Variants in ZZZ3 observed in about 807,000 individuals in gnomAD.
ZZZ3 encodes the protein ZZ-type zinc finger-containing protein 3.
ZZZ3 carries 22 observed loss-of-function variants against 95.2 expected under a neutral mutation model. The observed-to-expected ratio is 0.23, with a 90% CI of 0.17 to 0.33. The LOEUF (loss-of-function observed/expected upper bound fraction) is 0.33. ZZZ3 is among the 10% of genes least tolerant of loss of function. The probability of loss-of-function intolerance (pLI) is 1.00; values close to 1 mark genes in which losing one functional copy is unlikely to be tolerated. For synonymous variants in ZZZ3, 335 were observed against 358.9 expected (o/e 0.93, Z 0.75); for missense variants, 885 against 1,066.5 (o/e 0.83, Z 2.37).
chr1:77,626,651 A>G (rs1667363009), intron 5 of ZZZ3, among the ~76,000 whole-genome samples: 1 of 152,174 alleles, frequency 6.6e-6, no homozygotes, highest in Admixed American at 6.5e-5. Context: ...CCTGTTTTAG[A>G]AAGCTACCTC....
chr1:77,644,855 C>A (rs1181539874), intron 1 of ZZZ3, among the ~76,000 whole-genome samples: 3 of 152,152 alleles, frequency 2.0e-5, no homozygotes, highest in African/African-American at 4.8e-5. Context: ...CAATTAAGCA[C>A]TTCAGGTCAT....
chr1:77,664,552 A>G (rs745891515), intron 1 of ZZZ3, among the ~76,000 whole-genome samples: 2 of 152,172 alleles, frequency 1.3e-5, no homozygotes, highest in Non-Finnish European at 2.9e-5. Context: ...AATTTTACTC[A>G]TGTAATTTTT....
At chr1:77,650,014 A>G (rs943530856) in intron 1 of ZZZ3, among the ~76,000 whole-genome samples, 1 of 152,230 alleles carries the variant, frequency 6.6e-6, no homozygotes, top group African/African-American at 2.4e-5. Context: ...CATACAATGT[A>G]AGATTCTTAT....
chr1:77,576,948 C>T (rs1221242605), intron 11 of ZZZ3, among the ~76,000 whole-genome samples: 2 of 152,120 alleles, frequency 1.3e-5, no homozygotes, highest in Non-Finnish European at 2.9e-5. Flanking sequence ...GTTATCATCA[C>T]CTCTAATTTA....
chr1:77,589,662 G>A (rs776280597), intron 5 of ZZZ3, among the ~76,000 whole-genome samples: 15 of 151,616 alleles, frequency 9.9e-5, no homozygotes, highest in Non-Finnish European at 1.9e-4. Flanking sequence ...GTCTCGCTTT[G>A]TTGCCCAGGC....
intron 5 of ZZZ3, among the ~76,000 whole-genome samples, chr1:77,617,327 C>G (rs557187091): frequency 2.0e-5 from 3 of 152,166 alleles, no homozygotes; most frequent in South Asian, 2.1e-4. Context: ...GGTAACCATT[C>G]ATCTGCTTTC....
intron 1 of ZZZ3, among the ~76,000 whole-genome samples, chr1:77,674,875 C>T (rs1215972022): frequency 3.3e-5 from 5 of 150,940 alleles, no homozygotes; most frequent in Admixed American, 2.6e-4. Context: ...TTGCTTGAAC[C>T]CAGGAGGCAG....
intron 5 of ZZZ3, among the ~76,000 whole-genome samples, chr1:77,626,110 T>C (rs900278587): frequency 5.9e-5 from 9 of 152,180 alleles, no homozygotes; most frequent in Non-Finnish European, 1.2e-4. Flanking sequence ...CAAAACAAGT[T>C]GGTATTCAAA....
At chr1:77,666,642 C>A (rs1038658813) in intron 1 of ZZZ3, among the ~76,000 whole-genome samples, 1 of 152,210 alleles carries the variant, frequency 6.6e-6, no homozygotes, top group Non-Finnish European at 1.5e-5. Flanking sequence ...CAAGTATTCA[C>A]TGACCATCTC....
chr1:77,666,357 A>T (rs1426343701), intron 1 of ZZZ3, among the ~76,000 whole-genome samples: 1 of 152,108 alleles, frequency 6.6e-6, no homozygotes, highest in African/African-American at 2.4e-5. Context: ...ACACAGTGAA[A>T]CCCTGCCTCT....
rs772167832 is a variant in ZZZ3, at chr1:77,632,578, GTCC to G, written c.774_776del (p.Glu258del). ...AAGGCACCTTATGGTCTATATAACTGTCCTCCTTCCTACTATCAAGGAACATTG... is the reference window on the plus strand; with the variant it reads ...AAGGCACCTTATGGTCTATATAACTGTCCTTCCTACTATCAAGGAACATTG... On this transcript the variant is annotated inframe_deletion, in exon 5 of 15. Coordinates refer to ENST00000370801, the MANE Select transcript of ZZZ3 (RefSeq NM_015534.6). 1.2e-6 allele frequency: 2 copies of G among 1,614,100 alleles called. No individual in the cohort carries two copies. Among genetic ancestry groups the G allele is most frequent in the South Asian group, 1.1e-5 (1 of 91,080 alleles).
In ZZZ3 at chr1:77,632,534, T is replaced by C; in HGVS notation, c.821A>G (p.Gln274Arg). Residue 274 changes from glutamine (Q) to arginine (R), a missense_variant, in exon 5 of 15, where the codon CAG becomes CGG. Physicochemically the swap from Gln to Arg is conservative, Grantham distance 43. Transcript: ENST00000370801. ...TATTTTGTGGTCCTCCAACTTGACC[T>C]GCACTTGTGAATCTGTGCAAGGCAC... ...HKVPCTDSQV[Q>R]VKLEDHKIVT... The C allele has an allele frequency of 6.8e-6, 11 of 1,614,206 alleles. No homozygotes were observed. Among genetic ancestry groups the C allele is most frequent in the Non-Finnish European group, 9.3e-6 (11 of 1,180,024 alleles).
intron 4 of ZZZ3, among the ~76,000 whole-genome samples, chr1:77,635,814 G>A (rs1430918009): frequency 6.6e-6 from 1 of 152,130 alleles, no homozygotes; most frequent in Non-Finnish European, 1.5e-5. Context: ...GCTGAGGCAG[G>A]AGAATCGCTT....
chr1:77,588,057 G>A (rs1663283221), intron 5 of ZZZ3, among the ~76,000 whole-genome samples: 1 of 152,084 alleles, frequency 6.6e-6, no homozygotes, highest in South Asian at 2.1e-4. Flanking sequence ...AAGCTTCTGG[G>A]TCAACAGTAG....
chr1:77,571,369 A>G (rs746324650), intron 12 of ZZZ3, among the ~76,000 whole-genome samples: 1 of 152,234 alleles, frequency 6.6e-6, no homozygotes, highest in Non-Finnish European at 1.5e-5. Context: ...TGTAAATGGT[A>G]CAGCTCCTAT....
chr1:77,659,349 C>T (rs948584752), intron 1 of ZZZ3, among the ~76,000 whole-genome samples: 41 of 151,936 alleles, frequency 2.7e-4, no homozygotes, highest in African/African-American at 9.4e-4. Flanking sequence ...TTCTAATATA[C>T]TTAATCAATT....
chr1:77,575,571 A>C (rs1661846588), intron 12 of ZZZ3, among the ~76,000 whole-genome samples: 1 of 152,224 alleles, frequency 6.6e-6, no homozygotes, highest in African/African-American at 2.4e-5. Context: ...TCCATACTGC[A>C]AAATTCTATA....
chr1:77,639,562 C>A lies in ZZZ3; in HGVS notation c.-165G>T. ...TAAGCATCAGGGTTTCAGACTCTCT[C>A]AGCTTCAGCCATGAAGAATACTAGA... On this transcript the variant is annotated 5_prime_UTR_variant, in exon 4 of 15. An upstream open reading frame in the 5' UTR gains an earlier in-frame stop. Coordinates refer to ENST00000370801, the MANE Select transcript of ZZZ3 (RefSeq NM_015534.6). 1 of 963,374 alleles carries A rather than the reference C, an allele frequency of 1.0e-6. No individual in the cohort carries two copies. Among genetic ancestry groups the A allele is most frequent in the African/African-American group, 1.7e-5 (1 of 58,428 alleles). 59.7% of individuals were successfully genotyped at this position (963,374 alleles called of 1,614,324 possible).
chr1:77,598,126 T>G (rs1279184502), intron 5 of ZZZ3, among the ~76,000 whole-genome samples: 1 of 152,106 alleles, frequency 6.6e-6, no homozygotes, highest in Non-Finnish European at 1.5e-5. Context: ...TACTTTTGAC[T>G]CCCGAAAACT....
Sources: gnomAD v4.1 joint callset for allele counts (sites outside exome capture counted in the v4.1 genomes callset) on GRCh38, gnomAD v4.1.1 for gene constraint, MANE v1.5 for transcripts, NCBI Gene and HGNC (gene_info 2026-07-23, HGNC 2026-07-21) for gene names.